PCNX1: variants seen among roughly 807,000 people sequenced by gnomAD.
PCNX1 encodes pecanex 1.
A neutral mutation model predicts 242.2 loss-of-function variants in PCNX1; 78 were observed. The ratio of observed to expected loss-of-function variants is 0.32; its 90% CI spans 0.27 to 0.39. PCNX1 has a LOEUF of 0.39. PCNX1 is among the 10% of genes least tolerant of loss of function. The pLI is 1.00. For missense variants in PCNX1, 2,581 were observed against 2,856.5 expected, an observed-to-expected ratio of 0.90 and a Z score of 2.20; for synonymous variants, 1,024 against 1,032.9, an observed-to-expected ratio of 0.99 and a Z score of 0.17.
At chr14:70,910,207 G>GTCCTCCTCCTCCTCCTCCTCCTCC (rs750642409) in intron 1 of PCNX1, among the ~76,000 whole-genome samples, 5 of 13,174 alleles carry the variant, frequency 3.8e-4, no homozygotes, top group Non-Finnish European at 5.6e-4. Flanking sequence ...CCTCCTCCTC[G>GTCCTCCTCCTCCTCCTCCTCCTCC]TCCTCCTCCT....
intron 8 of PCNX1, among the ~76,000 whole-genome samples, chr14:71,008,682 A>AG: frequency 6.7e-6 from 1 of 149,100 alleles, no homozygotes; most frequent in Non-Finnish European, 1.5e-5. Flanking sequence ...AAAAAAAAAA[A>AG]GGGATTCCTG....
chr14:71,015,566 C>T (rs1342235674), intron 11 of PCNX1, among the ~76,000 whole-genome samples: 1 of 152,002 alleles, frequency 6.6e-6, no homozygotes, highest in African/African-American at 2.4e-5. Flanking sequence ...GAGGCAGAGG[C>T]AGGAGGATCA....
At position 71,108,686 on chromosome 14, in the gene PCNX1, C is replaced by G. The variant is rs200508793; in HGVS notation, c.6384C>G (p.Ser2128=). ...PARASVASQS[S]YCYSSRHSSL... The stretch of plus-strand genomic sequence containing the variant: ...GGGCCTCAGTAGCCAGCCAGTCTTC[C>G]TACTGCTATAGCAGCCGGCATTCAT... The change falls in exon 34 of 36, where the codon TCC becomes TCG. Residue 2128 remains serine (S), a synonymous_variant. Transcript: ENST00000304743. 5.6e-6 allele frequency: 9 copies of G among 1,614,230 alleles called. No homozygotes were observed. In the East Asian group the frequency reaches 6.7e-5, roughly 12 times the overall value.
At chr14:71,063,847 T>C (rs1447475738) in intron 26 of PCNX1, among the ~76,000 whole-genome samples, 1 of 152,230 alleles carries the variant, frequency 6.6e-6, no homozygotes, top group African/African-American at 2.4e-5. Context: ...TCCATTTTTA[T>C]TTTACAGATA....
At chr14:70,965,688 C>T (rs971464598) in intron 3 of PCNX1, among the ~76,000 whole-genome samples, 5 of 137,416 alleles carry the variant, frequency 3.6e-5, no homozygotes, top group African/African-American at 1.1e-4. Flanking sequence ...AAAAAGATAA[C>T]GAAGTAAAAA....
chr14:70,918,884 G>T lies in PCNX1; in HGVS notation c.153+10881G>T, dbSNP rs1430001471. On this transcript the variant is annotated intron_variant, in intron 1 of 35. Coordinates refer to ENST00000304743, the MANE Select transcript of PCNX1 (RefSeq NM_014982.3). ...GTGTTCGTTTGTTGGTGGTTTTTTG[G>T]TTTTTTTTTTTTTTTTAGACAAAGT... is the stretch of plus-strand genomic sequence containing the variant. Among the ~76,000 whole-genome samples the T allele has an allele frequency of 8.5e-4, 119 of 140,524 alleles. 1 individual carries two copies. The highest frequency in any genetic ancestry group is 2.9e-3 in the African/African-American group (111 of 38,056). The allele number at this position is 140,524 out of a possible 152,430, so 92.2% of individuals were successfully genotyped here.
intron 1 of PCNX1, among the ~76,000 whole-genome samples, chr14:70,935,435 G>GT (rs2056962763): frequency 6.6e-6 from 1 of 152,186 alleles, no homozygotes; most frequent in African/African-American, 2.4e-5. Flanking sequence ...ATTTCAGTGT[G>GT]TTTTTGGCAC....
At chr14:71,081,168 C>T (rs1190637848) in intron 28 of PCNX1, among the ~76,000 whole-genome samples, 2 of 152,066 alleles carry the variant, frequency 1.3e-5, no homozygotes, top group African/African-American at 2.4e-5. Flanking sequence ...TGATGGATTA[C>T]GTTTATTGAT....
intron 28 of PCNX1, among the ~76,000 whole-genome samples, chr14:71,079,400 G>T (rs1407977626): frequency 6.6e-6 from 1 of 152,162 alleles, no homozygotes; most frequent in African/African-American, 2.4e-5. Context: ...TCTGGTTCTA[G>T]ATCCTTGGGG....
At chr14:71,055,903 A>G (rs1302175506) in intron 25 of PCNX1, among the ~76,000 whole-genome samples, 1 of 152,208 alleles carries the variant, frequency 6.6e-6, no homozygotes, top group Admixed American at 6.5e-5. Flanking sequence ...ATGTTTTATT[A>G]GTATGTTTCC....
intron 16 of PCNX1, among the ~76,000 whole-genome samples, chr14:71,030,905 A>C (rs887003726): frequency 6.6e-6 from 1 of 152,142 alleles, no homozygotes; most frequent in African/African-American, 2.4e-5. Flanking sequence ...TACTAATTCA[A>C]ATTCATTAAG....
intron 26 of PCNX1, among the ~76,000 whole-genome samples, chr14:71,058,371 A>G (rs1031646761): frequency 6.6e-6 from 1 of 152,188 alleles, no homozygotes; most frequent in Non-Finnish European, 1.5e-5. Flanking sequence ...ATTTCTTTAC[A>G]GAAAATCACG....
chr14:70,949,053 GAT>G (rs1166363895), intron 2 of PCNX1, among the ~76,000 whole-genome samples: 1 of 143,240 alleles, frequency 7.0e-6, no homozygotes, highest in South Asian at 2.2e-4. Context: ...TGTATATATA[GAT>G]ATATGTATGT....
intron 8 of PCNX1, 30 bp from the exon 9 acceptor site, chr14:71,009,604 G>A (rs960196493): frequency 7.6e-7 from 1 of 1,313,246 alleles, no homozygotes. Context: ...GTATTCTAAT[G>A]GCTTTTTAAA....
In PCNX1 at chr14:70,978,161, G is replaced by T; in HGVS notation, c.1824G>T (p.Leu608Phe). 6.2e-7 allele frequency: 1 copy of T among 1,614,122 alleles called. No homozygotes were observed. Among genetic ancestry groups the T allele is most frequent in the South Asian group, 1.1e-5 (1 of 91,074 alleles). The change falls in exon 6 of 36, where the codon TTG (leucine) becomes TTT (phenylalanine). Residue 608 changes from leucine to phenylalanine, a missense_variant. Transcript: ENST00000304743. ...HDEDSSDQSD[L>F]SRASSVQSAH... ...AAGACTCTAGTGATCAGAGTGACTTGAGTAGAGCATCAAGTGTTCAGTCTG... is the reference window on the plus strand; with the variant it reads ...AAGACTCTAGTGATCAGAGTGACTTTAGTAGAGCATCAAGTGTTCAGTCTG...
intron 1 of PCNX1, among the ~76,000 whole-genome samples, chr14:70,925,282 C>T (rs2056546122): frequency 6.6e-6 from 1 of 152,210 alleles, no homozygotes; most frequent in Non-Finnish European, 1.5e-5. Flanking sequence ...AGCCACGAAG[C>T]CCGGCTTGCG....
intron 28 of PCNX1, among the ~76,000 whole-genome samples, chr14:71,087,219 G>C (rs1434034635): frequency 6.6e-6 from 1 of 151,626 alleles, no homozygotes; most frequent in Non-Finnish European, 1.5e-5. Context: ...TTTATTTACT[G>C]TTTTGTAACC....
chr14:71,096,332 T>A (rs2062279946), intron 30 of PCNX1, among the ~76,000 whole-genome samples: 1 of 150,430 alleles, frequency 6.6e-6, no homozygotes, highest in African/African-American at 2.4e-5. Context: ...AAAAAAAAAA[T>A]GAGCTGGGCA....
At chr14:71,006,020 T>C (rs1377128191) in intron 8 of PCNX1, among the ~76,000 whole-genome samples, 1 of 151,586 alleles carries the variant, frequency 6.6e-6, no homozygotes, top group Non-Finnish European at 1.5e-5. Context: ...CCTCCTAGGC[T>C]TAAGTGATCC....
Sources: gnomAD v4.1 joint callset for allele counts (sites outside exome capture counted in the v4.1 genomes callset) on GRCh38, gnomAD v4.1.1 for gene constraint, MANE v1.5 for transcripts, NCBI Gene and HGNC (gene_info 2026-07-23, HGNC 2026-07-21) for gene names.